The following OGFOD1 variants were observed in gnomAD, a reference collection of about 807,000 sequenced individuals.
OGFOD1 encodes 2-oxoglutarate and iron dependent oxygenase domain containing 1.
Under a neutral mutation model 67.7 loss-of-function variants are expected in OGFOD1, and 54 were observed. That is an observed-to-expected ratio of 0.80 (90% CI 0.64 to 1.00). OGFOD1 has a LOEUF of 1.00. Among genes scored for constraint, OGFOD1 ranks in the 50% least tolerant of loss-of-function variants. The pLI, the probability that OGFOD1 is intolerant of heterozygous loss-of-function variation, is 0.00. For missense variants in OGFOD1, 606 were observed against 646.7 expected (o/e 0.94, Z 0.68); for synonymous variants, 221 against 227.0 (o/e 0.97, Z 0.24).
At chr16:56,469,236 CTT>C (rs1446316607) in intron 8 of OGFOD1, among the ~76,000 whole-genome samples, 1 of 152,160 alleles carries the variant, frequency 6.6e-6, no homozygotes, top group Non-Finnish European at 1.5e-5. Context: ...TCGTACCTAA[CTT>C]TTTGAATTTA....
At position 56,466,239 on chromosome 16, in the gene OGFOD1, G is replaced by A. The variant is rs1377728104; in HGVS notation, c.536G>A (p.Gly179Asp). 6.2e-7 allele frequency: 1 copy of A among 1,613,606 alleles called. No individual in the cohort carries two copies. Among genetic ancestry groups the A allele is most frequent in the African/African-American group, 1.3e-5 (1 of 75,046 alleles). Residue 179 changes from glycine (G) to aspartate (D), a missense_variant, in exon 5 of 13, where the codon GGT becomes GAT. Coordinates refer to ENST00000566157, the MANE Select transcript of OGFOD1 (RefSeq NM_018233.4). ...GTTCCTCCCTGGGACAGGAGCATGGGTGGTACCCTGGACCTGTACAGCATT... is the reference window on the plus strand; with the variant it reads ...GTTCCTCCCTGGGACAGGAGCATGGATGGTACCCTGGACCTGTACAGCATT... Reference protein sequence around the residue: ...YLVPPWDRSMGGTLDLYSIDE... With the variant: ...YLVPPWDRSMDGTLDLYSIDE...
At chr16:56,457,813 G>T (rs1265549738) in intron 2 of OGFOD1, among the ~76,000 whole-genome samples, 2 of 152,076 alleles carry the variant, frequency 1.3e-5, no homozygotes. Context: ...CCGAGTAGCT[G>T]GAATTGCAGG....
At chr16:56,470,225 C>A in intron 9 of OGFOD1, 143 bp downstream of exon 9, 1 of 760,454 alleles carries the variant, frequency 1.3e-6, no homozygotes, top group Non-Finnish European at 2.1e-6. Flanking sequence ...AAATAACCAA[C>A]AGGAAAAAAT....
rs1288508085 is a variant in OGFOD1 at position 56,451,724 on chromosome 16, C to G, written c.112C>G (p.Gln38Glu). 4.3e-6 allele frequency: 7 copies of G among 1,613,604 alleles called. No homozygotes were observed. Among genetic ancestry groups the G allele is most frequent in the Non-Finnish European group, 4.2e-6 (5 of 1,179,944 alleles). ...TGTTACGGAAGAAACCTTGAAAAAGCAGGTGGCTGAGGCCTGGAGCCGCAG... is the reference window on the plus strand; with the variant it reads ...TGTTACGGAAGAAACCTTGAAAAAGGAGGTGGCTGAGGCCTGGAGCCGCAG... ...DAVTEETLKK[Q>E]VAEAWSRRTP... Residue 38 changes from glutamine to glutamate, a missense_variant, in exon 1 of 13, where the codon CAG becomes GAG. By Grantham distance (29) the Gln-to-Glu change is conservative. Transcript: ENST00000566157.
intron 4 of OGFOD1, among the ~76,000 whole-genome samples, chr16:56,465,049 G>GA (rs1163577092): frequency 2.6e-5 from 4 of 151,480 alleles, no homozygotes; most frequent in Admixed American, 1.3e-4. Context: ...GCCCAGGCTG[G>GA]AATACAGTGG....
intron 3 of OGFOD1, among the ~76,000 whole-genome samples, chr16:56,459,895 T>C (rs1247048779): frequency 3.3e-5 from 5 of 152,182 alleles, no homozygotes; most frequent in Non-Finnish European, 4.4e-5. Context: ...TTTTTAATAG[T>C]TTTTTACTTA....
At position 56,478,892 on chromosome 16, in the gene OGFOD1, T is replaced by TGTAATTTAA. The variant is rs1208819821; in HGVS notation, c.*2688_*2689insTAATTTAAG. 1 of 152,206 alleles carries TGTAATTTAA rather than the reference T, an allele frequency of 6.6e-6. No individual in the cohort carries two copies. The highest frequency in any genetic ancestry group is 1.5e-5 in the Non-Finnish European group (1 of 68,038). The allele number at this position is 152,206 out of a possible 1,614,324, so 9.4% of individuals were successfully genotyped here. A position where few individuals can be genotyped will look rare whatever the true frequency, so the allele number is the denominator to read the frequency against. ...GCAGCACCTCTTAGATTGTGAAGGA[T>TGTAATTTAA]GGTGTAACTTAAAAGATTGTGTTTC... On this transcript the variant is annotated 3_prime_UTR_variant, in exon 13 of 13. Transcript: ENST00000566157.
rs1344145577 is a variant in OGFOD1 at position 56,476,038 on chromosome 16, T to C, written c.1468-6T>C. 6.2e-7 allele frequency: 1 copy of C among 1,606,836 alleles called. No homozygotes were observed. ...TCTGATGTGTCACTGTATTTGTCTT[T>C]TTCAGCTGCTAACAGTGAATCCAGA... On this transcript the variant is annotated splice_polypyrimidine_tract_variant and splice_region_variant and intron_variant, in intron 12 of 12. Coordinates refer to ENST00000566157, the MANE Select transcript of OGFOD1 (RefSeq NM_018233.4).
At chr16:56,461,144 G>C (rs555761879) in intron 3 of OGFOD1, among the ~76,000 whole-genome samples, 2 of 152,330 alleles carry the variant, frequency 1.3e-5, no homozygotes, top group Admixed American at 6.5e-5. Context: ...ATTGGTGCTT[G>C]TGATTTATAA....
chr16:56,475,658 C>G, intron 12 of OGFOD1, 93 bp downstream of exon 12: 2 of 985,450 alleles, frequency 2.0e-6, no homozygotes, highest in Admixed American at 3.8e-5. Context: ...CTACCAGTGT[C>G]TTTAGCTAAT....
At chr16:56,451,842 C>A in intron 1 of OGFOD1, 76 bp downstream of exon 1, 1 of 1,507,982 alleles carries the variant, frequency 6.6e-7, no homozygotes, top group Non-Finnish European at 8.9e-7. Context: ...GACTCGCGCC[C>A]AGCCTTGGGC....
At position 56,451,554 on chromosome 16, in the gene OGFOD1, G is replaced by C. The variant is rs766166670; in HGVS notation, c.-59G>C. 2.5e-6 allele frequency: 4 copies of C among 1,582,948 alleles called. No individual in the cohort carries two copies. The highest frequency in any genetic ancestry group is 3.4e-6 in the Non-Finnish European group (4 of 1,160,080). On this transcript the variant is annotated 5_prime_UTR_variant, in exon 1 of 13. Coordinates refer to ENST00000566157, the MANE Select transcript of OGFOD1 (RefSeq NM_018233.4). Reference sequence around the variant, plus strand: ...TAAAGGGGACATGCCGGGAGTTGCAGTACCCTCAGGAAGGTAGCGTCTTGA... The same window carrying C: ...TAAAGGGGACATGCCGGGAGTTGCACTACCCTCAGGAAGGTAGCGTCTTGA...
chr16:56,467,415 C>CTT, intron 7 of OGFOD1, 122 bp downstream of exon 7: 43 of 827,678 alleles, frequency 5.2e-5, no homozygotes, highest in Non-Finnish European at 6.9e-5. Context: ...TTCCACTTTT[C>CTT]TTTTTTTTTT....
chr16:56,453,264 A>C lies in OGFOD1; in HGVS notation c.156A>C (p.Glu52Asp). The C allele has an allele frequency of 6.2e-7, 1 of 1,604,354 alleles. No individual in the cohort carries two copies. Among genetic ancestry groups the C allele is most frequent in the Non-Finnish European group, 8.5e-7 (1 of 1,177,470 alleles). ...AWSRRTPFSH[E>D]VIVMDMDPFL... Reference sequence around the variant, plus strand: ...TAGATAATGTTTTTCTTCCAACAGAAGTCATTGTCATGGACATGGACCCTT... The same window carrying C: ...TAGATAATGTTTTTCTTCCAACAGACGTCATTGTCATGGACATGGACCCTT... Residue 52 changes from glutamate to aspartate, a missense_variant and splice_region_variant, in exon 2 of 13, where the codon GAA (glutamate) becomes GAC (aspartate). Physicochemically the swap from Glu to Asp is conservative, Grantham distance 45. Transcript: ENST00000566157.
chr16:56,453,565 C>T lies in OGFOD1; in HGVS notation c.300+157C>T, dbSNP rs1311203039. The T allele has an allele frequency of 4.6e-6, 3 of 651,218 alleles. No homozygotes were observed. In the African/African-American group the frequency reaches 5.5e-5, roughly 12 times the overall value. 40.3% of individuals were successfully genotyped at this position (651,218 alleles called of 1,614,324 possible). A position where few individuals can be genotyped will look rare whatever the true frequency, so the allele number is the denominator to read the frequency against. ...GCATGCCTTCATTTAACCAAGCTTA[C>T]TGAGTGTTAACTATGTGTTAAGTGC... On this transcript the variant is annotated intron_variant, in intron 2 of 12. Transcript: ENST00000566157.
At chr16:56,462,762 A>G (rs1459919880) in intron 4 of OGFOD1, 128 bp downstream of exon 4, 2 of 616,394 alleles carry the variant, frequency 3.2e-6, no homozygotes, top group Admixed American at 2.9e-5. Flanking sequence ...TCTTCCTGAT[A>G]AAGACCCAGT....
Position 56,468,026 on chromosome 16 carries a change from T to G in OGFOD1, c.900+8T>G. ...CTGAAGGAGTTTCTTAAGGTAAGCT[T>G]AGCGTATGTTGTTCTGAATATTTTG... is the stretch of plus-strand genomic sequence containing the variant. On this transcript the variant is annotated splice_region_variant and intron_variant, in intron 8 of 12. Transcript: ENST00000566157. 7.3e-7 allele frequency: 1 copy of G among 1,369,886 alleles called. No homozygotes were observed. The highest frequency in any genetic ancestry group is 1.0e-6 in the Non-Finnish European group (1 of 957,654). 84.9% of individuals were successfully genotyped at this position (1,369,886 alleles called of 1,614,324 possible).
chr16:56,475,102 C>A, intron 11 of OGFOD1, 152 bp downstream of exon 11: 1 of 781,032 alleles, frequency 1.3e-6, no homozygotes, highest in Non-Finnish European at 2.0e-6. Flanking sequence ...TTTTACGGGT[C>A]ATGAATTCCA....
intron 4 of OGFOD1, among the ~76,000 whole-genome samples, chr16:56,464,009 G>C (rs1375420517): frequency 6.6e-6 from 1 of 152,148 alleles, no homozygotes; most frequent in Non-Finnish European, 1.5e-5. Context: ...AAAGGACCCA[G>C]TCCAGGATTG....
Sources: gnomAD v4.1 joint callset for allele counts (sites outside exome capture counted in the v4.1 genomes callset) on GRCh38, gnomAD v4.1.1 for gene constraint, MANE v1.5 for transcripts, NCBI Gene and HGNC (gene_info 2026-07-23, HGNC 2026-07-21) for gene names.